Variants in LOC122539214 observed in about 807,000 individuals in gnomAD.
the LOC122539214 span, among the ~76,000 whole-genome samples, chr19:52,671,163 T>C: frequency 6.6e-6 from 1 of 152,192 alleles, no homozygotes; most frequent in Non-Finnish European, 1.5e-5. Context: ...TGAGGTCAAA[T>C]ATTTTGACTT....
the LOC122539214 span, among the ~76,000 whole-genome samples, chr19:52,687,456 A>T: frequency 1.9e-3 from 163 of 86,794 alleles, 1 homozygote; most frequent in African/African-American, 9.7e-3. Context: ...AAATTATAAT[A>T]TAAATTATAA....
chr19:52,677,457 G>T, the LOC122539214 span, among the ~76,000 whole-genome samples: 1 of 151,870 alleles, frequency 6.6e-6, no homozygotes, highest in Non-Finnish European at 1.5e-5. Flanking sequence ...CTTCACACCA[G>T]CATGGGTGAC....
chr19:52,656,085 T>G, the LOC122539214 span, among the ~76,000 whole-genome samples: 1 of 152,022 alleles, frequency 6.6e-6, no homozygotes, highest in South Asian at 2.1e-4. Flanking sequence ...TGGTTGTGCA[T>G]GCCTCTAGTC....
At chr19:52,655,483 C>G in the LOC122539214 span, 1 of 1,313,350 alleles carries the variant, frequency 7.6e-7, no homozygotes, top group Non-Finnish European at 1.1e-6. Context: ...GGCAAAATCA[C>G]AAAAGAGAAT....
At chr19:52,685,939 T>C in the LOC122539214 span, among the ~76,000 whole-genome samples, 2 of 150,792 alleles carry the variant, frequency 1.3e-5, no homozygotes, top group Non-Finnish European at 2.9e-5. Flanking sequence ...CAGGAGTGCT[T>C]CTGGAACAGC....
At chr19:52,670,286 C>T in the LOC122539214 span, among the ~76,000 whole-genome samples, 2 of 152,162 alleles carry the variant, frequency 1.3e-5, no homozygotes, top group Non-Finnish European at 2.9e-5. Context: ...TGCCAAACCA[C>T]TCACCTTGTC....
chr19:52,665,409 A>G, the LOC122539214 span, among the ~76,000 whole-genome samples: 2 of 149,398 alleles, frequency 1.3e-5, no homozygotes, highest in Non-Finnish European at 3.0e-5. Context: ...CGTCTCAATA[A>G]GAAAAAAAGT....
chr19:52,662,952 C>T, the LOC122539214 span, among the ~76,000 whole-genome samples: 1 of 151,968 alleles, frequency 6.6e-6, no homozygotes, highest in Non-Finnish European at 1.5e-5. Context: ...CACATGAGCC[C>T]AGGAGTTTGA....
chr19:52,665,835 C>T, the LOC122539214 span, among the ~76,000 whole-genome samples: 4 of 152,084 alleles, frequency 2.6e-5, no homozygotes, highest in African/African-American at 7.2e-5. Flanking sequence ...CTCACCATTG[C>T]TCCATCTATG....
the LOC122539214 span, among the ~76,000 whole-genome samples, chr19:52,676,398 G>A: frequency 0.13 from 19,929 of 152,052 alleles, 1,394 homozygotes; most frequent in African/African-American, 0.14. Context: ...CTGCCCGGCC[G>A]CCACCCCGTC....
the LOC122539214 span, among the ~76,000 whole-genome samples, chr19:52,680,555 T>G: frequency 3.0e-3 from 459 of 152,160 alleles, 3 homozygotes; most frequent in African/African-American, 0.011. Flanking sequence ...TTAAGGTATT[T>G]TGGCACATTT....
the LOC122539214 span, among the ~76,000 whole-genome samples, chr19:52,681,769 T>TCAAGGGTAA: frequency 2.6e-4 from 40 of 152,296 alleles, no homozygotes; most frequent in East Asian, 3.7e-3. Context: ...TGAAATAGGT[T>TCAAGGGTAA]CAAGGGTAAG....
At chr19:52,659,253 G>A in the LOC122539214 span, among the ~76,000 whole-genome samples, 1 of 151,784 alleles carries the variant, frequency 6.6e-6, no homozygotes, top group Non-Finnish European at 1.5e-5. Flanking sequence ...AGCTGCGATG[G>A]AAGCATGAGG....
chr19:52,654,483 A>G, the LOC122539214 span: 1 of 570,836 alleles, frequency 1.8e-6, no homozygotes, highest in Non-Finnish European at 2.9e-6. Context: ...TGTTAATATT[A>G]CACAAAAAGC....
At chr19:52,654,402 A>G in the LOC122539214 span, 1 of 1,122,448 alleles carries the variant, frequency 8.9e-7, no homozygotes, top group Non-Finnish European at 1.3e-6. Context: ...TTAAAGAGCT[A>G]TCTAAAAAAT....
chr19:52,664,986 T>C, the LOC122539214 span, among the ~76,000 whole-genome samples: 1 of 152,158 alleles, frequency 6.6e-6, no homozygotes. Flanking sequence ...TTGAAATTAA[T>C]TTTAGCAATT....
the LOC122539214 span, among the ~76,000 whole-genome samples, chr19:52,678,025 A>ACT: frequency 0.22 from 32,725 of 151,616 alleles, 3,741 homozygotes; most frequent in Non-Finnish European, 0.24. Context: ...ACAGAGTGAG[A>ACT]CTGTCTCAAA....
At chr19:52,684,931 G>C in the LOC122539214 span, among the ~76,000 whole-genome samples, 12 of 152,290 alleles carry the variant, frequency 7.9e-5, no homozygotes, top group South Asian at 2.3e-3. Context: ...TGGGGAACAC[G>C]GGAAGCCGGT....
chr19:52,675,481 T>C, the LOC122539214 span, among the ~76,000 whole-genome samples: 1 of 152,108 alleles, frequency 6.6e-6, no homozygotes. Context: ...CCATCCCTCA[T>C]GGATCATGTG....
Sources: gnomAD v4.1 joint callset for allele counts (sites outside exome capture counted in the v4.1 genomes callset) on GRCh38, gnomAD v4.1.1 for gene constraint, MANE v1.5 for transcripts.